SORCS3: variants seen among roughly 807,000 people sequenced by gnomAD.
SORCS3 encodes sortilin related VPS10 domain containing receptor 3.
Under a neutral mutation model 146.3 loss-of-function variants are expected in SORCS3, and 57 were observed. That is an observed-to-expected ratio of 0.39 (90% CI 0.31 to 0.49). The LOEUF is 0.49. SORCS3 is among the 20% of genes least tolerant of loss of function. The pLI, the probability that SORCS3 is intolerant of heterozygous loss-of-function variation, is 0.92. For missense variants in SORCS3, 1,341 were observed against 1,575.5 expected, an observed-to-expected ratio of 0.85 and a Z score of 2.52; for synonymous variants, 653 against 618.5, an observed-to-expected ratio of 1.06 and a Z score of -0.83.
At chr10:104,956,439 C>T (rs1351846097) in intron 3 of SORCS3, among the ~76,000 whole-genome samples, 2 of 152,182 alleles carry the variant, frequency 1.3e-5, no homozygotes, top group African/African-American at 2.4e-5. Context: ...TGTTTGCGCT[C>T]ATCTCATTTG....
chr10:105,020,883 G>A (rs2055193984), intron 4 of SORCS3, among the ~76,000 whole-genome samples: 1 of 152,130 alleles, frequency 6.6e-6, no homozygotes, highest in African/African-American at 2.4e-5. Flanking sequence ...CCTTGTCTGA[G>A]TTCGTATGAT....
chr10:105,060,474 G>T (rs2055478349), intron 5 of SORCS3, among the ~76,000 whole-genome samples: 1 of 152,242 alleles, frequency 6.6e-6, no homozygotes, highest in Middle Eastern at 3.4e-3. Context: ...AGCATGCTCA[G>T]GACTGGTCTT....
intron 5 of SORCS3, among the ~76,000 whole-genome samples, chr10:105,087,774 T>C (rs2055673391): frequency 6.6e-6 from 1 of 152,214 alleles, no homozygotes; most frequent in African/African-American, 2.4e-5. Context: ...GAATTAGCAA[T>C]TGCATACATG....
intron 4 of SORCS3, among the ~76,000 whole-genome samples, chr10:104,990,094 T>C (rs1450539500): frequency 1.3e-5 from 2 of 152,220 alleles, no homozygotes; most frequent in African/African-American, 4.8e-5. Context: ...CTGAGGCCTC[T>C]GGAGGCTACT....
intron 3 of SORCS3, among the ~76,000 whole-genome samples, chr10:104,923,234 T>G (rs2019105724): frequency 6.6e-6 from 1 of 152,202 alleles, no homozygotes; most frequent in South Asian, 2.1e-4. Flanking sequence ...CATGTGATGA[T>G]CCACATTTAA....
intron 1 of SORCS3, among the ~76,000 whole-genome samples, chr10:104,716,611 TAAAAG>T (rs1291125829): frequency 6.6e-6 from 1 of 152,092 alleles, no homozygotes; most frequent in Non-Finnish European, 1.5e-5. Flanking sequence ...GAATTGAACT[TAAAAG>T]AAATCATTAG....
At chr10:104,681,297 T>A (rs1476020789) in intron 1 of SORCS3, among the ~76,000 whole-genome samples, 1 of 148,326 alleles carries the variant, frequency 6.7e-6, no homozygotes, top group Non-Finnish European at 1.5e-5. Context: ...CCTGGCACCC[T>A]GGAGTCCTTT....
At chr10:104,783,658 T>C (rs371527544) in intron 1 of SORCS3, among the ~76,000 whole-genome samples, 1 of 151,872 alleles carries the variant, frequency 6.6e-6, no homozygotes, top group South Asian at 2.1e-4. Context: ...ACCCAGGAGG[T>C]GGAGGTTGCA....
chr10:104,861,748 G>T (rs1466075384), intron 2 of SORCS3, among the ~76,000 whole-genome samples: 1 of 152,172 alleles, frequency 6.6e-6, no homozygotes, highest in Non-Finnish European at 1.5e-5. Context: ...GTGTCAGCCT[G>T]ATAGGGCCAC....
intron 5 of SORCS3, among the ~76,000 whole-genome samples, chr10:105,072,307 C>G (rs1433389946): frequency 6.6e-6 from 1 of 152,130 alleles, no homozygotes; most frequent in East Asian, 1.9e-4. Flanking sequence ...ATCTTGTAAA[C>G]TTTCTGAATC....
chr10:104,654,491 G>T (rs1266662316), intron 1 of SORCS3, among the ~76,000 whole-genome samples: 1 of 152,174 alleles, frequency 6.6e-6, no homozygotes, highest in Non-Finnish European at 1.5e-5. Context: ...TTGGATATAA[G>T]CCATTTTAAC....
intron 3 of SORCS3, among the ~76,000 whole-genome samples, chr10:104,953,283 A>T (rs2019452604): frequency 6.6e-6 from 1 of 152,158 alleles, no homozygotes; most frequent in South Asian, 2.1e-4. Context: ...TGAGTCTTCC[A>T]CACTCTCTGT....
At chr10:104,642,015 T>C (rs1394139714) in intron 1 of SORCS3, 61 bp downstream of exon 1, 3 of 74,128 alleles carry the variant, frequency 4.0e-5, no homozygotes, top group East Asian at 6.7e-4. Flanking sequence ...AATGGGGGGG[T>C]GGGTGGGAGC....
At chr10:105,241,163 G>C (rs2056820514) in intron 20 of SORCS3, among the ~76,000 whole-genome samples, 1 of 152,072 alleles carries the variant, frequency 6.6e-6, no homozygotes, top group South Asian at 2.1e-4. Context: ...TATACATATA[G>C]TACAACTGAT....
chr10:104,977,295 A>C (rs750197931), intron 3 of SORCS3, 40 bp from the exon 4 acceptor site: 1 of 1,495,514 alleles, frequency 6.7e-7, no homozygotes, highest in Non-Finnish European at 9.1e-7. Context: ...ATTATTTCCT[A>C]CTAACTCTGT....
chr10:105,200,174 C>T (rs375847995), intron 15 of SORCS3, 58 bp downstream of exon 15: 27 of 1,338,046 alleles, frequency 2.0e-5, no homozygotes, highest in Admixed American at 5.2e-5. Flanking sequence ...AGTGCAAGTC[C>T]GACTGGGTCT....
chr10:105,233,146 A>T (rs1285224301), intron 20 of SORCS3, among the ~76,000 whole-genome samples: 1 of 151,944 alleles, frequency 6.6e-6, no homozygotes, highest in African/African-American at 2.4e-5. Flanking sequence ...TGATTGCCCT[A>T]GAATTTGCTA....
chr10:104,759,893 G>A (rs139416998), intron 1 of SORCS3, among the ~76,000 whole-genome samples: 1 of 152,254 alleles, frequency 6.6e-6, no homozygotes, highest in East Asian at 1.9e-4. Flanking sequence ...TGAATGGATG[G>A]TAAACACGCT....
intron 5 of SORCS3, among the ~76,000 whole-genome samples, chr10:105,083,321 A>G (rs1192754781): frequency 6.6e-6 from 1 of 151,850 alleles, no homozygotes; most frequent in African/African-American, 2.4e-5. Flanking sequence ...TCTTTTGCAG[A>G]CATTAAGCAC....
Sources: allele counts gnomAD v4.1 joint callset (sites outside exome capture counted in the v4.1 genomes callset), GRCh38; gene constraint gnomAD v4.1.1; transcripts MANE v1.5; gene names NCBI Gene and HGNC (gene_info 2026-07-23, HGNC 2026-07-21).